MYT1: variants seen among roughly 807,000 people sequenced by gnomAD.
MYT1 encodes myelin transcription factor 1.
MYT1 carries 23 observed loss-of-function variants against 123.0 expected under a neutral mutation model. The ratio of observed to expected loss-of-function variants is 0.19; its 90% CI spans 0.13 to 0.26. The LOEUF (loss-of-function observed/expected upper bound fraction) is 0.26. Ranked by LOEUF, MYT1 falls within the 10% of genes least tolerant of loss-of-function variation. The probability of loss-of-function intolerance (pLI) is 1.00; values close to 1 mark genes in which losing one functional copy is unlikely to be tolerated. For missense variants in MYT1, 1,125 were observed against 1,472.5 expected (o/e 0.76, Z 3.86); for synonymous variants, 518 against 575.3 (o/e 0.90, Z 1.43).
chr20:64,235,076 A>G (rs1418719552), intron 19 of MYT1, among the ~76,000 whole-genome samples: 11 of 93,908 alleles, frequency 1.2e-4, no homozygotes, highest in African/African-American at 1.7e-4. Flanking sequence ...TGGGATGGTC[A>G]TGGTGGGTGA....
At position 64,237,405 on chromosome 20, in the gene MYT1, C is replaced by T. The variant is rs755275375; in HGVS notation, c.3093+15C>T. On this transcript the variant is annotated intron_variant, in intron 21 of 22. Transcript: ENST00000328439. ...TGCAGTCCCAGGTAGGTGGTGCCGC[C>T]CCCCGCTCCTGGGCTCTTTGCCCAC... 4.4e-6 allele frequency: 7 copies of T among 1,583,506 alleles called. No individual in the cohort carries two copies. The South Asian group carries it at 4.6e-5, about 10-fold the overall frequency.
chr20:64,170,713 C>T (rs1235094143), intron 1 of MYT1, among the ~76,000 whole-genome samples: 1 of 150,588 alleles, frequency 6.6e-6, no homozygotes, highest in African/African-American at 2.5e-5. Context: ...TTTGTGCTTC[C>T]TCATTTTATT....
chr20:64,232,334 C>T lies in MYT1; in HGVS notation c.2846C>T (p.Pro949Leu), dbSNP rs1318392943. Residue 949 changes from proline to leucine, a missense_variant, in exon 19 of 23, where the codon CCG (proline) becomes CTG (leucine). Around this residue, in one of 4 missense-constraint regions of MYT1, gnomAD observed 243 missense variants for 323.1 expected, o/e 0.75. Coordinates refer to ENST00000328439, the MANE Select transcript of MYT1 (RefSeq NM_004535.3). This position sits in a 1 kb window ranked among gnomAD's most constrained non-coding sequence, Gnocchi z 6.9. ...LKNEGPTCPTPGCDGSGHANG... is the reference protein window; with the variant it reads ...LKNEGPTCPTLGCDGSGHANG... ...AATGAAGGACCGACCTGCCCCACCC[C>T]GGGCTGTGACGGCTCTGGCCACGCC... The T allele has an allele frequency of 6.2e-6, 10 of 1,612,892 alleles. No homozygotes were observed. Among genetic ancestry groups the T allele is most frequent in the East Asian group, 2.2e-5 (1 of 44,894 alleles).
chr20:64,210,047 G>A (rs976739762), intron 7 of MYT1, among the ~76,000 whole-genome samples: 6 of 152,112 alleles, frequency 3.9e-5, no homozygotes, highest in African/African-American at 7.2e-5. Context: ...TAGCCTGGCT[G>A]TGGTGTGCTT....
chr20:64,234,967 C>T lies in MYT1; in HGVS notation c.2898-1588C>T, dbSNP rs552441247. Reference sequence around the variant, plus strand: ...ACCCTGGGATGGCTGTGGTGGGTGACCCTGGGATGGCTGTGGTGGGTGACA... The same window carrying T: ...ACCCTGGGATGGCTGTGGTGGGTGATCCTGGGATGGCTGTGGTGGGTGACA... On this transcript the variant is annotated intron_variant, in intron 19 of 22. Coordinates refer to ENST00000328439, the MANE Select transcript of MYT1 (RefSeq NM_004535.3). Among the ~76,000 whole-genome samples the T allele has an allele frequency of 1.5e-3, 219 of 144,768 alleles. No homozygotes were observed. The Middle Eastern group carries it at 0.037, about 25-fold the overall frequency. The allele number at this position is 144,768 out of a possible 152,430, so 95.0% of individuals were successfully genotyped here. A position where few individuals can be genotyped will look rare whatever the true frequency, so the allele number is the denominator to read the frequency against.
chr20:64,194,872 A>T (rs1983062323), intron 2 of MYT1, among the ~76,000 whole-genome samples: 1 of 152,122 alleles, frequency 6.6e-6, no homozygotes, highest in Non-Finnish European at 1.5e-5. Flanking sequence ...GTGGTTTGTT[A>T]CTGGCTATGT....
At chr20:64,229,317 G>A (rs929329597) in intron 18 of MYT1, among the ~76,000 whole-genome samples, 1 of 152,210 alleles carries the variant, frequency 6.6e-6, no homozygotes, top group Non-Finnish European at 1.5e-5. Flanking sequence ...ATTTGGCAAG[G>A]ATCCTGCTGG....
intron 5 of MYT1, 59 bp downstream of exon 5, chr20:64,205,156 C>T: frequency 1.3e-6 from 2 of 1,573,312 alleles, no homozygotes; most frequent in East Asian, 2.2e-5. Flanking sequence ...AGCCCCTGCC[C>T]ACTCTGCAGA....
intron 13 of MYT1, among the ~76,000 whole-genome samples, chr20:64,220,667 G>C (rs537720856): frequency 1.9e-4 from 29 of 152,378 alleles, no homozygotes; most frequent in Admixed American, 1.3e-3. Flanking sequence ...CAGCAGCCGC[G>C]TGTGTGAGAC....
chr20:64,208,532 C>T lies in MYT1; in HGVS notation c.1291+45C>T. ...TGGCCCTGCAGACTCATCCTTTCAC[C>T]CCTGCCCCAGGTGTGCAGATGCAGG... On this transcript the variant is annotated intron_variant, in intron 7 of 22. Transcript: ENST00000328439. The surrounding 1 kb of genome is among the most constrained non-coding windows in gnomAD (Gnocchi z 5.4). 2 of 1,540,588 alleles carry T rather than the reference C, an allele frequency of 1.3e-6. No individual in the cohort carries two copies. Among genetic ancestry groups the T allele is most frequent in the Non-Finnish European group, 1.8e-6 (2 of 1,142,168 alleles).
chr20:64,164,963 CTG>C (rs1569302374), intron 1 of MYT1, among the ~76,000 whole-genome samples: 1 of 152,114 alleles, frequency 6.6e-6, no homozygotes, highest in Non-Finnish European at 1.5e-5. Context: ...TCCTGTCTCT[CTG>C]TTGTTCATGC....
chr20:64,208,413 G>A lies in MYT1; in HGVS notation c.1217G>A (p.Ser406Asn). The part of the protein sequence containing the change: ...CEPGCPPAEQ[S>N]QLGLGEPGKA... Reference sequence around the variant, plus strand: ...CCGGGCTGCCCGCCTGCCGAGCAGAGCCAGCTGGGCCTGGGAGAGCCAGGG... The same window carrying A: ...CCGGGCTGCCCGCCTGCCGAGCAGAACCAGCTGGGCCTGGGAGAGCCAGGG... Residue 406 changes from serine to asparagine, a missense_variant, in exon 7 of 23, where the codon AGC becomes AAC. Ser to Asn is a conservative substitution (Grantham distance 46). Coordinates refer to ENST00000328439, the MANE Select transcript of MYT1 (RefSeq NM_004535.3). The surrounding 1 kb of genome is among the most constrained non-coding windows in gnomAD (Gnocchi z 5.4). 1 of 1,613,388 alleles carries A rather than the reference G, an allele frequency of 6.2e-7. No individual in the cohort carries two copies. The highest frequency in any genetic ancestry group is 8.5e-7 in the Non-Finnish European group (1 of 1,179,956).
At chr20:64,169,805 G>A (rs961963808) in intron 1 of MYT1, among the ~76,000 whole-genome samples, 3 of 152,208 alleles carry the variant, frequency 2.0e-5, no homozygotes, top group Admixed American at 1.3e-4. Flanking sequence ...CACGTTTGAC[G>A]CTGTTATTTT....
rs940604432 is a variant in MYT1, at chr20:64,193,595, C to T, written c.-1+3435C>T. Among the ~76,000 whole-genome samples the T allele has an allele frequency of 2.0e-5, 3 of 152,124 alleles. No individual in the cohort carries two copies. The highest frequency in any genetic ancestry group is 2.9e-5 in the Non-Finnish European group (2 of 68,018). ...CTCCCCTCACTGCAGAGAAGTGAGA[C>T]TGAATGTGGTGTGAGGTACTGCTGG... is the stretch of plus-strand genomic sequence containing the variant. On this transcript the variant is annotated intron_variant, in intron 2 of 22. Coordinates refer to ENST00000328439, the MANE Select transcript of MYT1 (RefSeq NM_004535.3). The surrounding 1 kb of genome is among the most constrained non-coding windows in gnomAD (Gnocchi z 4.0).
At chr20:64,188,936 G>A (rs552356991) in intron 1 of MYT1, among the ~76,000 whole-genome samples, 117 of 152,336 alleles carry the variant, frequency 7.7e-4, no homozygotes, top group African/African-American at 2.5e-3. Flanking sequence ...GGTTTTATTC[G>A]TTCCTCTGTA....
chr20:64,170,321 T>G lies in MYT1; in HGVS notation c.-99+5582T>G, dbSNP rs144081863. On this transcript the variant is annotated intron_variant, in intron 1 of 22. Coordinates refer to ENST00000328439, the MANE Select transcript of MYT1 (RefSeq NM_004535.3). ...CTGCTGTGACATTGCATCAGACTGATGGGTATCCCTGCTTGCTTTCCGGGA... is the reference window on the plus strand; with the variant it reads ...CTGCTGTGACATTGCATCAGACTGAGGGGTATCCCTGCTTGCTTTCCGGGA... 1.2e-3 allele frequency among the ~76,000 whole-genome samples: 178 copies of G among 152,274 alleles called. 2 individuals carry two copies. The highest frequency in any genetic ancestry group is 4.2e-3 in the African/African-American group (176 of 41,556).
chr20:64,187,654 G>A (rs1383515484), intron 1 of MYT1, among the ~76,000 whole-genome samples: 1 of 152,286 alleles, frequency 6.6e-6, no homozygotes, highest in Non-Finnish European at 1.5e-5. Context: ...ATGGGGCAGG[G>A]TTTGGCCATA....
rs1569303851 is a variant in MYT1, at chr20:64,170,898, G to GAGAGAGAGAGAC, written c.-99+6170_-99+6171insCAGAGAGAGAGA. Among the ~76,000 whole-genome samples the GAGAGAGAGAGAC allele has an allele frequency of 2.1e-4, 21 of 98,242 alleles. 1 individual carries two copies. Among genetic ancestry groups the GAGAGAGAGAGAC allele is most frequent in the Non-Finnish European group, 3.9e-4 (19 of 49,320 alleles). 64.5% of individuals were successfully genotyped at this position (98,242 alleles called of 152,430 possible). ...ATATATATATATAGAGAGAGAGAGA[G>GAGAGAGAGAGAC]AGAGAGAGAGAGAGAGAGAGAGAGA... On this transcript the variant is annotated intron_variant, in intron 1 of 22. Coordinates refer to ENST00000328439, the MANE Select transcript of MYT1 (RefSeq NM_004535.3).
intron 13 of MYT1, among the ~76,000 whole-genome samples, chr20:64,221,562 G>A (rs1337132001): frequency 6.6e-6 from 1 of 152,242 alleles, no homozygotes; most frequent in Non-Finnish European, 1.5e-5. Flanking sequence ...GAAGGGAACT[G>A]TATCCTGATG....
Sources: allele counts gnomAD v4.1 joint callset (sites outside exome capture counted in the v4.1 genomes callset), GRCh38; gene constraint gnomAD v4.1.1; regional missense constraint gnomAD v4.1.1; non-coding constraint Gnocchi (gnomAD v3.1); transcripts MANE v1.5; gene names NCBI Gene and HGNC (gene_info 2026-07-23, HGNC 2026-07-21).